The following DOCK2 variants were observed in gnomAD, a reference collection of about 807,000 sequenced individuals.
DOCK2 encodes dedicator of cytokinesis 2, also known as dedicator of cytokinesis protein 2.
A neutral mutation model predicts 248.9 loss-of-function variants in DOCK2; 87 were observed. That is an observed-to-expected ratio of 0.35 (90% CI 0.29 to 0.42). The LOEUF (loss-of-function observed/expected upper bound fraction) is 0.42, where lower values mean the gene tolerates loss of function less well. Ranked by LOEUF, DOCK2 falls within the 10% of genes least tolerant of loss-of-function variation. DOCK2 has a pLI of 1.00. For missense variants in DOCK2, 1,747 were observed against 2,300.2 expected (o/e 0.76, Z 4.92); for synonymous variants, 805 against 821.6 (o/e 0.98, Z 0.35).
intron 27 of DOCK2, among the ~76,000 whole-genome samples, chr5:169,962,253 G>A (rs143442441): frequency 7.7e-4 from 117 of 152,272 alleles, no homozygotes; most frequent in African/African-American, 2.6e-3. Context: ...GGGAGACATC[G>A]TGGTGGACTG....
intron 14 of DOCK2, 101 bp downstream of exon 14, chr5:169,702,528 A>T: frequency 6.5e-7 from 1 of 1,548,014 alleles, no homozygotes; most frequent in Non-Finnish European, 8.7e-7. Context: ...TCTAAATGCC[A>T]GGTGCCTTTG....
At chr5:169,834,389 G>A (rs865946656) in intron 26 of DOCK2, among the ~76,000 whole-genome samples, 2 of 1,050 alleles carry the variant, frequency 1.9e-3, no homozygotes. Flanking sequence ...TCCCAACCAG[G>A]TCACCCTGCA....
chr5:170,033,656 G>A (rs532848246), intron 34 of DOCK2, among the ~76,000 whole-genome samples: 106 of 152,254 alleles, frequency 7.0e-4, no homozygotes, highest in East Asian at 1.4e-3. Context: ...CCATGCCTTC[G>A]TTTCCCTATC....
intron 41 of DOCK2, among the ~76,000 whole-genome samples, chr5:170,053,359 T>C (rs1057185315): frequency 6.6e-6 from 1 of 152,246 alleles, no homozygotes; most frequent in Non-Finnish European, 1.5e-5. Context: ...ACTACTCAGC[T>C]CCGCTGTTGT....
chr5:170,033,072 C>T (rs529180649), intron 34 of DOCK2, among the ~76,000 whole-genome samples: 8 of 152,034 alleles, frequency 5.3e-5, no homozygotes, highest in African/African-American at 1.9e-4. Flanking sequence ...TTCTCACCTG[C>T]AAAATGGGGG....
chr5:170,013,890 T>C (rs950819260), intron 32 of DOCK2, among the ~76,000 whole-genome samples: 1 of 152,032 alleles, frequency 6.6e-6, no homozygotes, highest in Non-Finnish European at 1.5e-5. Context: ...CATGGACTGG[T>C]GATCATTGCA....
chr5:169,957,617 CT>C (rs1776921488), intron 27 of DOCK2, among the ~76,000 whole-genome samples: 1 of 152,170 alleles, frequency 6.6e-6, no homozygotes, highest in Admixed American at 6.5e-5. Context: ...CACAGAAAGA[CT>C]CATTCCTGGT....
At chr5:169,941,200 T>C (rs1034552495) in intron 27 of DOCK2, among the ~76,000 whole-genome samples, 3 of 152,152 alleles carry the variant, frequency 2.0e-5, no homozygotes, top group African/African-American at 7.2e-5. Context: ...TTTAAATTTA[T>C]TTATTTATTG....
intron 27 of DOCK2, among the ~76,000 whole-genome samples, chr5:169,880,195 A>AT (rs1341286751): frequency 2.0e-5 from 3 of 152,232 alleles, no homozygotes; most frequent in African/African-American, 7.2e-5. Flanking sequence ...AAAGGCATTT[A>AT]TCTGTGAGCA....
chr5:169,668,449 T>C (rs538527659), intron 2 of DOCK2, among the ~76,000 whole-genome samples: 1 of 152,348 alleles, frequency 6.6e-6, no homozygotes, highest in South Asian at 2.1e-4. Flanking sequence ...TTTTTGGGCT[T>C]GGTTGTATGT....
At chr5:170,005,612 G>A (rs1290787591) in intron 30 of DOCK2, among the ~76,000 whole-genome samples, 2 of 152,130 alleles carry the variant, frequency 1.3e-5, no homozygotes, top group Non-Finnish European at 2.9e-5. Context: ...CGGGTAGAGG[G>A]TTTCTTTTGG....
intron 20 of DOCK2, 48 bp from the exon 21 acceptor site, chr5:169,717,336 C>T (rs756257160): frequency 7.2e-6 from 11 of 1,531,722 alleles, no homozygotes; most frequent in African/African-American, 1.4e-5. Context: ...AGATGGCTTC[C>T]TGCCCTGGGT....
chr5:169,742,349 A>G (rs373783281), intron 22 of DOCK2, among the ~76,000 whole-genome samples: 9 of 152,270 alleles, frequency 5.9e-5, no homozygotes, highest in African/African-American at 2.2e-4. Flanking sequence ...GAGCAACCTT[A>G]TGGGGCTAAT....
chr5:170,028,420 G>A (rs949323327), intron 34 of DOCK2: 1 of 154,642 alleles, frequency 6.5e-6, no homozygotes, highest in South Asian at 2.0e-4. Flanking sequence ...AGGGAAGTAA[G>A]CACATTGTTC....
chr5:169,952,832 A>G (rs750865415), intron 27 of DOCK2, among the ~76,000 whole-genome samples: 9 of 152,172 alleles, frequency 5.9e-5, no homozygotes, highest in African/African-American at 9.7e-5. Context: ...CATAAGTGAG[A>G]AATGAATGGA....
intron 35 of DOCK2, among the ~76,000 whole-genome samples, chr5:170,035,731 A>G (rs1756300983): frequency 6.6e-6 from 1 of 152,120 alleles, no homozygotes; most frequent in Admixed American, 6.5e-5. Flanking sequence ...GTATCAGGAC[A>G]AATGATGTCC....
intron 40 of DOCK2, 112 bp downstream of exon 40, chr5:170,047,726 G>A: frequency 9.8e-6 from 9 of 919,260 alleles, no homozygotes; most frequent in Middle Eastern, 3.1e-4. Context: ...GCTCTTCTCT[G>A]TCTGAGTGCT....
intron 8 of DOCK2, among the ~76,000 whole-genome samples, chr5:169,687,934 T>C (rs185759947): frequency 1.5e-3 from 223 of 152,312 alleles, no homozygotes; most frequent in Admixed American, 5.5e-3. Flanking sequence ...TTTTTATTTA[T>C]TTATTTTTTG....
Position 169,705,934 on chromosome 5 carries a change from G to A in DOCK2, c.1384-2235G>A, listed in dbSNP as rs368638438. On this transcript the variant is annotated intron_variant, in intron 14 of 51. Coordinates refer to ENST00000520908, the MANE Select transcript of DOCK2 (RefSeq NM_004946.3). The stretch of plus-strand genomic sequence containing the variant: ...CTGAAGTCTCCCACACCTATGAGGG[G>A]CTCTCACTGTTAATTGGGGGCCATG... Among the ~76,000 whole-genome samples, 16 of 152,358 alleles carry A rather than the reference G, an allele frequency of 1.1e-4. No individual in the cohort carries two copies. The East Asian group carries it at 3.1e-3, about 29-fold the overall frequency.
Sources: allele counts gnomAD v4.1 joint callset (sites outside exome capture counted in the v4.1 genomes callset), GRCh38; gene constraint gnomAD v4.1.1; transcripts MANE v1.5; gene names NCBI Gene and HGNC (gene_info 2026-07-23, HGNC 2026-07-21).